The following EYS variants were observed in gnomAD, a reference collection of about 807,000 sequenced individuals.
EYS encodes the protein protein eyes shut homolog.
In EYS, 250 loss-of-function variants were observed where a neutral mutation model predicts 282.1. That is an observed-to-expected ratio of 0.89 (90% CI 0.80 to 0.98). The LOEUF (loss-of-function observed/expected upper bound fraction) is 0.98. EYS is among the 50% of genes least tolerant of loss of function. EYS has a pLI of 0.00. For missense variants in EYS, 4,016 were observed against 3,709.0 expected (o/e 1.08, Z -2.15); for synonymous variants, 1,355 against 1,282.9 (o/e 1.06, Z -1.20).
intron 37 of EYS, among the ~76,000 whole-genome samples, chr6:63,790,296 G>C (rs889265814): frequency 1.3e-5 from 2 of 152,198 alleles, no homozygotes; most frequent in African/African-American, 4.8e-5. Flanking sequence ...AGATCTACAG[G>C]GAGGTAGGTT....
intron 31 of EYS, among the ~76,000 whole-genome samples, chr6:64,174,347 G>A (rs1764563925): frequency 6.6e-6 from 1 of 151,894 alleles, no homozygotes; most frequent in Admixed American, 6.6e-5. Context: ...CTTTCCAATT[G>A]CTCATTTGCT....
intron 24 of EYS, among the ~76,000 whole-genome samples, chr6:64,602,581 A>C (rs1325530381): frequency 6.6e-6 from 1 of 152,034 alleles, no homozygotes; most frequent in Non-Finnish European, 1.5e-5. Flanking sequence ...CACTTAAGAA[A>C]CATTTTCCCC....
At chr6:64,125,916 CTTTTTT>C (rs111945672) in intron 31 of EYS, among the ~76,000 whole-genome samples, 2 of 140,726 alleles carry the variant, frequency 1.4e-5, no homozygotes, top group African/African-American at 5.1e-5. Context: ...CTATTCTCTT[CTTTTTT>C]TTTTTTTTAT....
At chr6:65,676,510 A>C (rs1768606653) in intron 1 of EYS, among the ~76,000 whole-genome samples, 1 of 151,868 alleles carries the variant, frequency 6.6e-6, no homozygotes, top group Non-Finnish European at 1.5e-5. Context: ...TAAATCATGA[A>C]GAAATAGAAA....
chr6:64,879,583 T>C (rs1562239928), intron 19 of EYS, among the ~76,000 whole-genome samples: 1 of 146,752 alleles, frequency 6.8e-6, no homozygotes, highest in East Asian at 2.6e-4. Flanking sequence ...TTAGGTAAGA[T>C]AGACAGTTTT....
At position 63,762,434 on chromosome 6, in the gene EYS, G is replaced by T. The variant is rs1360808499; in HGVS notation, c.8071+27C>A. 3.2e-6 allele frequency: 5 copies of T among 1,544,692 alleles called. No individual in the cohort carries two copies. The African/African-American group carries it at 6.9e-5, about 21-fold the overall frequency. On this transcript the variant is annotated intron_variant, in intron 41 of 42. Transcript: ENST00000503581. ...CTAATTTTAGTTATATTTGTGGACAGCAAAATGATTTGAAATTCTGCCTCA... is the reference window on the plus strand; with the variant it reads ...CTAATTTTAGTTATATTTGTGGACATCAAAATGATTTGAAATTCTGCCTCA...
intron 33 of EYS, among the ~76,000 whole-genome samples, chr6:64,003,736 CAT>C (rs1174692645): frequency 3.9e-5 from 6 of 152,204 alleles, no homozygotes; most frequent in Non-Finnish European, 1.5e-5. Flanking sequence ...ATAATCCCCA[CAT>C]GTCATGGGAG....
chr6:64,045,825 A>G (rs1484087303), intron 33 of EYS, among the ~76,000 whole-genome samples: 6 of 149,622 alleles, frequency 4.0e-5, no homozygotes, highest in Middle Eastern at 7.2e-3. Context: ...ACATTGATAT[A>G]TATGTATATA....
chr6:64,249,063 C>CAAAAAAAAAAAAAAAAAAAAA (rs34663169), intron 30 of EYS, among the ~76,000 whole-genome samples: 37 of 70,046 alleles, frequency 5.3e-4, no homozygotes, highest in African/African-American at 1.8e-3. Flanking sequence ...CACCCTGTCT[C>CAAAAAAAAAAAAAAAAAAAAA]AAAAAAAAAA....
At chr6:64,402,927 A>G (rs974701125) in intron 28 of EYS, among the ~76,000 whole-genome samples, 7 of 152,192 alleles carry the variant, frequency 4.6e-5, no homozygotes, top group Admixed American at 6.5e-5. Flanking sequence ...AATAGATTTT[A>G]AAATATGTTT....
intron 28 of EYS, among the ~76,000 whole-genome samples, chr6:64,390,014 A>AAAATCCAG (rs1773057537): frequency 6.7e-6 from 1 of 149,222 alleles, no homozygotes; most frequent in Non-Finnish European, 1.5e-5. Flanking sequence ...GGGGTGATGG[A>AAAATCCAG]TGGCACCTGG....
At chr6:64,326,933 C>G (rs1443292918) in intron 29 of EYS, among the ~76,000 whole-genome samples, 1 of 152,090 alleles carries the variant, frequency 6.6e-6, no homozygotes, top group Admixed American at 6.6e-5. Flanking sequence ...CTAGTCCAAC[C>G]CGAGGGGGTT....
chr6:63,745,571 G>T (rs1041377003), intron 41 of EYS, among the ~76,000 whole-genome samples: 12 of 152,238 alleles, frequency 7.9e-5, no homozygotes, highest in Non-Finnish European at 1.5e-4. Flanking sequence ...AAGTAAAAGA[G>T]CAAAATGCCT....
At chr6:64,952,647 C>T (rs1459790533) in intron 14 of EYS, among the ~76,000 whole-genome samples, 2 of 152,170 alleles carry the variant, frequency 1.3e-5, no homozygotes, top group East Asian at 3.9e-4. Context: ...AATGTCAAAA[C>T]AAGTGCCACA....
At chr6:65,155,007 A>G (rs1764699647) in intron 12 of EYS, among the ~76,000 whole-genome samples, 1 of 151,586 alleles carries the variant, frequency 6.6e-6, no homozygotes, top group Admixed American at 6.6e-5. Flanking sequence ...AAATAAGCTC[A>G]TATAATACAT....
At chr6:65,543,953 A>G (rs1272584123) in intron 2 of EYS, among the ~76,000 whole-genome samples, 1 of 151,852 alleles carries the variant, frequency 6.6e-6, no homozygotes, top group Non-Finnish European at 1.5e-5. Flanking sequence ...GAAAAATTTC[A>G]GTGTGAACAC....
chr6:65,036,025 C>A (rs1015871365), intron 13 of EYS, among the ~76,000 whole-genome samples: 4 of 150,896 alleles, frequency 2.7e-5, no homozygotes, highest in Non-Finnish European at 4.4e-5. Flanking sequence ...ATAGCCAAAG[C>A]AATCCTTAGC....
At chr6:64,148,074 T>G (rs1774579175) in intron 31 of EYS, among the ~76,000 whole-genome samples, 1 of 152,172 alleles carries the variant, frequency 6.6e-6, no homozygotes, top group Admixed American at 6.6e-5. Flanking sequence ...TTATGAATTT[T>G]TTTGTTTATC....
intron 1 of EYS, among the ~76,000 whole-genome samples, chr6:65,653,697 T>C (rs1767729227): frequency 1.3e-5 from 2 of 151,940 alleles, no homozygotes; most frequent in South Asian, 2.1e-4. Flanking sequence ...TATTCAGCAC[T>C]GTATCTCAAG....
Sources: gnomAD v4.1 joint callset for allele counts (sites outside exome capture counted in the v4.1 genomes callset) on GRCh38, gnomAD v4.1.1 for gene constraint, MANE v1.5 for transcripts, NCBI Gene and HGNC (gene_info 2026-07-23, HGNC 2026-07-21) for gene names.